The following GLMN variants were observed in gnomAD, a reference collection of about 807,000 sequenced individuals.
The protein encoded by GLMN is glomulin.
Under a neutral mutation model 87.8 loss-of-function variants are expected in GLMN, and 75 were observed. That is an observed-to-expected ratio of 0.85 (90% CI 0.71 to 1.04). GLMN has a LOEUF of 1.04. Ranked by LOEUF, GLMN falls within the 50% of genes least tolerant of loss-of-function variation. The pLI is 0.00. For synonymous variants in GLMN, 206 were observed against 221.6 expected (o/e 0.93, Z 0.63); for missense variants, 588 against 658.8 (o/e 0.89, Z 1.18).
intron 16 of GLMN, among the ~76,000 whole-genome samples, chr1:92,259,719 CTTTTT>C (rs1435459790): frequency 3.6e-5 from 5 of 137,196 alleles, no homozygotes; most frequent in Admixed American, 2.3e-4. Context: ...TTTGTTTTTT[CTTTTT>C]TTTCTTTCTT....
the GLMN span, among the ~76,000 whole-genome samples, chr1:92,329,726 A>T: frequency 6.6e-6 from 1 of 152,048 alleles, no homozygotes; most frequent in South Asian, 2.1e-4. Context: ...CCAACTTTGC[A>T]TTCTTATAAT....
chr1:92,335,762 TTATC>T, the GLMN span, among the ~76,000 whole-genome samples: 3 of 152,194 alleles, frequency 2.0e-5, no homozygotes, highest in Non-Finnish European at 4.4e-5. Flanking sequence ...ATAGCATAAT[TTATC>T]TAACCAATCA....
the GLMN span, chr1:92,320,679 A>G: frequency 2.0e-6 from 3 of 1,509,894 alleles, no homozygotes; most frequent in Middle Eastern, 1.7e-4. Context: ...ATTTATGTTA[A>G]TAGAAACATT....
chr1:92,282,418 G>A (rs1252015200), intron 7 of GLMN, among the ~76,000 whole-genome samples: 3 of 152,180 alleles, frequency 2.0e-5, no homozygotes, highest in African/African-American at 7.2e-5. Flanking sequence ...GATGTTCTTT[G>A]AAACCAATGA....
chr1:92,312,190 C>T, the GLMN span, among the ~76,000 whole-genome samples: 1 of 152,090 alleles, frequency 6.6e-6, no homozygotes, highest in Non-Finnish European at 1.5e-5. Context: ...GCAGGAGGAT[C>T]ACTTAAACAA....
At position 92,247,091 on chromosome 1, in the gene GLMN, G is replaced by A. The variant is rs191480502; in HGVS notation, c.1639C>T (p.Pro547Ser). Reference protein sequence around the residue: ...CSITVSGEEIPNMPPEMQLKV... With the variant: ...CSITVSGEEISNMPPEMQLKV... Reference sequence around the variant, plus strand: ...AGCTGCATTTCAGGAGGCATATTAGGGATCTCTTCTCCACTTACAGTTATA... The same window carrying A: ...AGCTGCATTTCAGGAGGCATATTAGAGATCTCTTCTCCACTTACAGTTATA... The change falls in exon 18 of 19, where the codon CCT becomes TCT. Residue 547 changes from proline to serine, a missense_variant. Coordinates refer to ENST00000370360, the MANE Select transcript of GLMN (RefSeq NM_053274.3). 6 of 1,574,882 alleles carry A rather than the reference G, an allele frequency of 3.8e-6. No individual in the cohort carries two copies. The Admixed American group carries it at 1.0e-4, about 26-fold the overall frequency.
the GLMN span, chr1:92,346,037 CT>C: frequency 1.4e-5 from 8 of 575,288 alleles, no homozygotes; most frequent in Non-Finnish European, 1.8e-5. Flanking sequence ...TATTTTGTGC[CT>C]TATTTTCCTT....
At chr1:92,266,891 C>T (rs1463013150) in intron 11 of GLMN, 150 bp from the exon 12 acceptor site, 1 of 613,376 alleles carries the variant, frequency 1.6e-6, no homozygotes, top group Admixed American at 3.0e-5. Context: ...CCTAAGCCTT[C>T]CATTCCAGAA....
chr1:92,257,321 C>A (rs1654403320), intron 16 of GLMN, among the ~76,000 whole-genome samples: 1 of 152,118 alleles, frequency 6.6e-6, no homozygotes, highest in Non-Finnish European at 1.5e-5. Context: ...GGCCATACCG[C>A]CCAAAGTAAT....
the GLMN span, among the ~76,000 whole-genome samples, chr1:92,334,704 C>T: frequency 2.0e-5 from 3 of 151,686 alleles, no homozygotes; most frequent in African/African-American, 4.8e-5. Context: ...AATAAAAATT[C>T]GGCCGAGTGC....
At chr1:92,305,212 C>A in the GLMN span, among the ~76,000 whole-genome samples, 1 of 151,766 alleles carries the variant, frequency 6.6e-6, no homozygotes, top group Admixed American at 6.6e-5. Flanking sequence ...GCGGGCAGAT[C>A]ACGAGGTCAG....
At chr1:92,359,741 G>A in the GLMN span, among the ~76,000 whole-genome samples, 1 of 152,224 alleles carries the variant, frequency 6.6e-6, no homozygotes, top group South Asian at 2.1e-4. Context: ...TAGAGCTGAA[G>A]AATGGTGATG....
the GLMN span, among the ~76,000 whole-genome samples, chr1:92,321,300 G>C: frequency 5.9e-5 from 9 of 152,080 alleles, no homozygotes; most frequent in African/African-American, 2.2e-4. Flanking sequence ...AAGTTAAATT[G>C]TTCTAATTTT....
the GLMN span, among the ~76,000 whole-genome samples, chr1:92,317,657 C>G: frequency 6.6e-6 from 1 of 152,208 alleles, no homozygotes; most frequent in African/African-American, 2.4e-5. Context: ...ATACTTCATG[C>G]TACTGAACTA....
At chr1:92,340,092 CA>C in the GLMN span, among the ~76,000 whole-genome samples, 4 of 151,982 alleles carry the variant, frequency 2.6e-5, no homozygotes, top group African/African-American at 9.7e-5. Flanking sequence ...AAAATAAGCC[CA>C]AAAAAGTATG....
rs1446778763 is a variant in GLMN, at chr1:92,266,488, T to C, written c.1145A>G (p.Lys382Arg). ...CAGCTGAAGCATAGCTAAACTCTTTTTCCTCTAAAATGGAACAAACAATAT... is the reference window on the plus strand; with the variant it reads ...CAGCTGAAGCATAGCTAAACTCTTTCTCCTCTAAAATGGAACAAACAATAT... ...MTLCPIETLR[K>R]KSLAMLQLYI... Residue 382 changes from lysine to arginine, a missense_variant, in exon 13 of 19, where the codon AAA becomes AGA. Transcript: ENST00000370360. 1.3e-6 allele frequency: 2 copies of C among 1,551,528 alleles called. No homozygotes were observed. The highest frequency in any genetic ancestry group is 1.7e-5 in the Admixed American group (1 of 59,640).
intron 8 of GLMN, 77 bp from the exon 9 acceptor site, chr1:92,269,853 T>C: frequency 2.1e-6 from 2 of 948,612 alleles, no homozygotes; most frequent in East Asian, 4.9e-5. Flanking sequence ...TTGTTATGGG[T>C]TGAATTGTAT....
At chr1:92,258,288 C>T (rs1408896872) in intron 16 of GLMN, among the ~76,000 whole-genome samples, 2 of 152,288 alleles carry the variant, frequency 1.3e-5, no homozygotes, top group African/African-American at 4.8e-5. Context: ...AATAGGAACG[C>T]TTTTACACTG....
chr1:92,265,213 A>C (rs1317188749), intron 13 of GLMN, among the ~76,000 whole-genome samples: 2 of 152,196 alleles, frequency 1.3e-5, no homozygotes, highest in Non-Finnish European at 2.9e-5. Context: ...TATTTTTATG[A>C]ACATAGTTAC....
Sources: gnomAD v4.1 joint callset for allele counts (sites outside exome capture counted in the v4.1 genomes callset) on GRCh38, gnomAD v4.1.1 for gene constraint, MANE v1.5 for transcripts, NCBI Gene and HGNC (gene_info 2026-07-23, HGNC 2026-07-21) for gene names.